Variants in HPSE2 observed in about 807,000 individuals in gnomAD.
HPSE2 encodes inactive heparanase-2.
In HPSE2, 38 loss-of-function variants were observed where a neutral mutation model predicts 60.5. That is an observed-to-expected ratio of 0.63 (90% CI 0.48 to 0.82). The LOEUF is 0.82. HPSE2 is among the 40% of genes least tolerant of loss of function. The pLI, the probability that HPSE2 is intolerant of heterozygous loss-of-function variation, is 0.00. For missense variants in HPSE2, 713 were observed against 740.4 expected (o/e 0.96, Z 0.43); for synonymous variants, 295 against 293.2 (o/e 1.01, Z -0.06).
chr10:98,743,808 T>C (rs1589749920), intron 4 of HPSE2, 75 bp downstream of exon 4: 9 of 1,336,330 alleles, frequency 6.7e-6, no homozygotes, highest in Middle Eastern at 3.8e-4. Context: ...GATGGTCTGA[T>C]TGAGACTGTA....
chr10:98,597,900 G>A (rs910952357), intron 9 of HPSE2, among the ~76,000 whole-genome samples: 3 of 148,044 alleles, frequency 2.0e-5, no homozygotes, highest in African/African-American at 7.6e-5. Flanking sequence ...CAACCCAGGA[G>A]GTGGAGGTTG....
At chr10:98,697,163 G>C (rs1948246658) in intron 5 of HPSE2, among the ~76,000 whole-genome samples, 1 of 152,160 alleles carries the variant, frequency 6.6e-6, no homozygotes, top group Non-Finnish European at 1.5e-5. Context: ...TGGATGAATT[G>C]ACAGAAGTAG....
chr10:98,531,232 G>T (rs1411632474), intron 9 of HPSE2, among the ~76,000 whole-genome samples: 2 of 151,840 alleles, frequency 1.3e-5, no homozygotes, highest in African/African-American at 2.4e-5. Context: ...TCTGACAAAA[G>T]AAATTAGGAA....
chr10:99,262,849 C>A, the HPSE2 span, among the ~76,000 whole-genome samples: 5 of 152,238 alleles, frequency 3.3e-5, no homozygotes, highest in Middle Eastern at 3.4e-3. Flanking sequence ...TAGCTGACCC[C>A]ATAAATCCTA....
At chr10:98,753,264 G>C (rs72834994) in intron 3 of HPSE2, among the ~76,000 whole-genome samples, 2 of 152,170 alleles carry the variant, frequency 1.3e-5, no homozygotes, top group East Asian at 1.9e-4. Flanking sequence ...AAGTGCTGGC[G>C]TGGGTAAGAG....
At chr10:99,272,813 A>G in the HPSE2 span, among the ~76,000 whole-genome samples, 1 of 152,214 alleles carries the variant, frequency 6.6e-6, no homozygotes, top group East Asian at 1.9e-4. Context: ...GAACACTTTT[A>G]CACTGCTGGT....
chr10:98,621,932 C>T (rs978956139), intron 7 of HPSE2, among the ~76,000 whole-genome samples: 7 of 152,298 alleles, frequency 4.6e-5, no homozygotes, highest in African/African-American at 1.7e-4. Flanking sequence ...TGGGAGGATG[C>T]CAGCTATGCA....
At chr10:98,948,899 A>C (rs1211738998) in intron 3 of HPSE2, among the ~76,000 whole-genome samples, 1 of 152,094 alleles carries the variant, frequency 6.6e-6, no homozygotes, top group Non-Finnish European at 1.5e-5. Context: ...TTACTTTATT[A>C]TAAGAATATA....
rs546432246 is a variant in HPSE2, at chr10:98,744,488, T to C, written c.611-432A>G. Among the ~76,000 whole-genome samples, 3 of 151,668 alleles carry C rather than the reference T, an allele frequency of 2.0e-5. No individual in the cohort carries two copies. The South Asian group carries it at 6.2e-4, about 32-fold the overall frequency. ...GTTGTGGTGAGCCGAGATTGCACCA[T>C]TGCACTCCAGCCTGGGCAACAAGAG... On this transcript the variant is annotated intron_variant, in intron 3 of 11. Transcript: ENST00000370552.
intron 3 of HPSE2, among the ~76,000 whole-genome samples, chr10:98,799,290 C>T (rs1401216193): frequency 6.6e-6 from 1 of 152,062 alleles, no homozygotes; most frequent in African/African-American, 2.4e-5. Flanking sequence ...ATATGTAAAG[C>T]AAATATTATT....
intron 2 of HPSE2, among the ~76,000 whole-genome samples, chr10:99,212,210 C>A (rs949450729): frequency 1.3e-5 from 2 of 151,434 alleles, no homozygotes; most frequent in Non-Finnish European, 3.0e-5. Context: ...AAAAGGAAAC[C>A]CTTGCATACT....
At chr10:98,642,247 T>C (rs1461009908) in intron 6 of HPSE2, among the ~76,000 whole-genome samples, 1 of 152,132 alleles carries the variant, frequency 6.6e-6, no homozygotes, top group Non-Finnish European at 1.5e-5. Flanking sequence ...GAGGAATACT[T>C]TTTTTTCCCC....
intron 3 of HPSE2, among the ~76,000 whole-genome samples, chr10:98,860,230 C>A (rs1050997225): frequency 1.3e-5 from 2 of 152,086 alleles, no homozygotes; most frequent in Non-Finnish European, 2.9e-5. Context: ...ATTACATTCC[C>A]AGGTTGGCTG....
intron 3 of HPSE2, among the ~76,000 whole-genome samples, chr10:98,821,710 G>A (rs562624816): frequency 6.6e-6 from 1 of 152,324 alleles, no homozygotes; most frequent in East Asian, 1.9e-4. Flanking sequence ...TTAACCTCCA[G>A]AGGGAACCAA....
At chr10:99,305,979 G>GCGCGCACGCGCACACACACACACACA in the HPSE2 span, among the ~76,000 whole-genome samples, 1 of 80,580 alleles carries the variant, frequency 1.2e-5, no homozygotes, top group Non-Finnish European at 2.4e-5. Flanking sequence ...GCGCGCGCGC[G>GCGCGCACGCGCACACACACACACACA]CACACACACA....
chr10:99,277,040 G>A, the HPSE2 span, among the ~76,000 whole-genome samples: 178 of 152,122 alleles, frequency 1.2e-3, 2 homozygotes, highest in Non-Finnish European at 1.0e-3. Flanking sequence ...GGACAGAGGC[G>A]ACAATGGATA....
Position 98,938,395 on chromosome 10 carries a change from G to A in HPSE2, c.611-194339C>T, listed in dbSNP as rs568186100. ...TAACCAATACAGAGAAGTGCTTAAA[G>A]TAGCTGATGGAGCTGAAAGCCAAGG... On this transcript the variant is annotated intron_variant, in intron 3 of 11. Transcript: ENST00000370552. 8.3e-5 allele frequency among the ~76,000 whole-genome samples: 12 copies of A among 144,542 alleles called. 1 individual carries two copies. The highest frequency in any genetic ancestry group is 5.5e-4 in the Admixed American group (8 of 14,566). 94.8% of individuals were successfully genotyped at this position (144,542 alleles called of 152,430 possible).
chr10:98,523,087 C>A (rs1942850831), intron 9 of HPSE2, among the ~76,000 whole-genome samples: 1 of 151,340 alleles, frequency 6.6e-6, no homozygotes, highest in Non-Finnish European at 1.5e-5. Flanking sequence ...CAGCACCCAA[C>A]CATTGGAAAG....
intron 11 of HPSE2, among the ~76,000 whole-genome samples, chr10:98,479,451 GCA>G (rs1461906650): frequency 2.0e-5 from 3 of 152,168 alleles, no homozygotes; most frequent in African/African-American, 7.2e-5. Flanking sequence ...ATCCCTTTCT[GCA>G]CAGTCTGCTT....
Sources: gnomAD v4.1 joint callset for allele counts (sites outside exome capture counted in the v4.1 genomes callset) on GRCh38, gnomAD v4.1.1 for gene constraint, MANE v1.5 for transcripts, NCBI Gene and HGNC (gene_info 2026-07-23, HGNC 2026-07-21) for gene names.